SPAG16: variants seen among roughly 807,000 people sequenced by gnomAD.
SPAG16 encodes the protein sperm associated antigen 16.
A neutral mutation model predicts 80.4 loss-of-function variants in SPAG16; 86 were observed. The observed-to-expected ratio is 1.07, with a 90% confidence interval of 0.90 to 1.28. SPAG16 has a LOEUF of 1.28. Ranked by LOEUF, SPAG16 falls within the 50% of genes most tolerant of loss-of-function variation. The probability of loss-of-function intolerance (pLI) is 0.00; values close to 1 mark genes in which losing one functional copy is unlikely to be tolerated. For missense variants in SPAG16, 870 were observed against 765.3 expected (o/e 1.14, Z -1.61); for synonymous variants, 294 against 265.9 (o/e 1.11, Z -1.03).
chr2:213,731,668 GTGT>G (rs2067051832), intron 10 of SPAG16, among the ~76,000 whole-genome samples: 1 of 152,160 alleles, frequency 6.6e-6, no homozygotes, highest in South Asian at 2.1e-4. Flanking sequence ...CCCAGTGTGT[GTGT>G]TGTTCTCCAC....
At position 213,425,698 on chromosome 2, in the gene SPAG16, G is replaced by A. The variant is rs147340043; in HGVS notation, c.942+50579G>A. On this transcript the variant is annotated intron_variant, in intron 9 of 15. Transcript: ENST00000331683. Reference sequence around the variant, plus strand: ...TGTGCAAATTGTTGCAGGAAAAGTCGTGTATTTCCATTTCTACTATACTAT... The same window carrying A: ...TGTGCAAATTGTTGCAGGAAAAGTCATGTATTTCCATTTCTACTATACTAT... Among the ~76,000 whole-genome samples, 58 of 150,186 alleles carry A rather than the reference G, an allele frequency of 3.9e-4. 1 individual carries two copies. The East Asian group carries it at 6.2e-3, about 16-fold the overall frequency.
At chr2:214,351,131 C>T (rs934753070) in intron 15 of SPAG16, among the ~76,000 whole-genome samples, 5 of 151,928 alleles carry the variant, frequency 3.3e-5, no homozygotes, top group East Asian at 1.9e-4. Flanking sequence ...GTAATCCTTC[C>T]GTGACTAGAA....
intron 10 of SPAG16, among the ~76,000 whole-genome samples, chr2:213,848,846 A>G (rs1278003125): frequency 3.3e-5 from 5 of 152,114 alleles, no homozygotes; most frequent in African/African-American, 1.2e-4. Context: ...TGTTCACAAC[A>G]GTTTCTGCTT....
intron 12 of SPAG16, among the ~76,000 whole-genome samples, chr2:213,983,492 A>G (rs1046032160): frequency 6.6e-6 from 1 of 151,970 alleles, no homozygotes; most frequent in African/African-American, 2.4e-5. Context: ...TAACTGCTTA[A>G]TGCACTCAAA....
chr2:214,074,606 T>C (rs2050974536), intron 13 of SPAG16, among the ~76,000 whole-genome samples: 1 of 152,060 alleles, frequency 6.6e-6, no homozygotes, highest in African/African-American at 2.4e-5. Flanking sequence ...TTAACGCCAT[T>C]ATGAACTGAA....
chr2:213,790,189 G>A (rs2070603481), intron 10 of SPAG16, among the ~76,000 whole-genome samples: 1 of 151,840 alleles, frequency 6.6e-6, no homozygotes, highest in South Asian at 2.1e-4. Context: ...CATCACTGAT[G>A]ATTCATCACT....
chr2:213,399,978 A>G (rs1018222849), intron 9 of SPAG16, among the ~76,000 whole-genome samples: 11 of 151,980 alleles, frequency 7.2e-5, no homozygotes, highest in Non-Finnish European at 1.6e-4. Flanking sequence ...TGGATCCATA[A>G]TTATATTCTC....
At chr2:213,310,958 T>C (rs2063162834) in intron 4 of SPAG16, among the ~76,000 whole-genome samples, 1 of 151,836 alleles carries the variant, frequency 6.6e-6, no homozygotes, top group Admixed American at 6.6e-5. Context: ...TAATTTTAAA[T>C]AAATTTGCAA....
Position 213,665,300 on chromosome 2 carries a change from T to TA in SPAG16, c.1070+175211dup, listed in dbSNP as rs2063561468. 5.9e-5 allele frequency among the ~76,000 whole-genome samples: 9 copies of TA among 152,240 alleles called. 1 individual carries two copies. The South Asian group carries it at 1.9e-3, about 32-fold the overall frequency. ...CTGTACAAAAAGGTTATAATTAGCTTACCCAGGTACTTAATATAAGTTGTT... is the reference window on the plus strand; with the variant it reads ...CTGTACAAAAAGGTTATAATTAGCTTAACCCAGGTACTTAATATAAGTTGTT... On this transcript the variant is annotated intron_variant, in intron 10 of 15. Transcript: ENST00000331683.
chr2:214,202,446 C>T (rs896593622), intron 15 of SPAG16, among the ~76,000 whole-genome samples: 1 of 151,972 alleles, frequency 6.6e-6, no homozygotes, highest in Admixed American at 6.6e-5. Context: ...AATATGAAAA[C>T]CTTCAGTAAG....
At chr2:213,475,647 G>A (rs1383401353) in intron 9 of SPAG16, among the ~76,000 whole-genome samples, 1 of 152,180 alleles carries the variant, frequency 6.6e-6, no homozygotes, top group Non-Finnish European at 1.5e-5. Flanking sequence ...CTAGTTGGCA[G>A]GGATAGTCAT....
At chr2:213,974,228 C>G (rs1240601717) in intron 12 of SPAG16, among the ~76,000 whole-genome samples, 1 of 151,912 alleles carries the variant, frequency 6.6e-6, no homozygotes, top group African/African-American at 2.4e-5. Flanking sequence ...AGCTTTTAAG[C>G]AAAGAAATGC....
intron 11 of SPAG16, among the ~76,000 whole-genome samples, chr2:213,872,362 A>G (rs2075987054): frequency 6.6e-6 from 1 of 152,168 alleles, no homozygotes; most frequent in African/African-American, 2.4e-5. Context: ...GTTTGTGGTA[A>G]TTTGTCACAG....
At chr2:213,831,405 A>T (rs2073650190) in intron 10 of SPAG16, among the ~76,000 whole-genome samples, 2 of 106,660 alleles carry the variant, frequency 1.9e-5, no homozygotes, top group South Asian at 5.5e-4. Flanking sequence ...TCAATTCATA[A>T]TTCAGGTGTT....
chr2:213,906,498 C>A (rs1305371259), intron 11 of SPAG16, among the ~76,000 whole-genome samples: 1 of 152,016 alleles, frequency 6.6e-6, no homozygotes, highest in Non-Finnish European at 1.5e-5. Flanking sequence ...ACATTATTCA[C>A]AGAAATAGAA....
intron 10 of SPAG16, among the ~76,000 whole-genome samples, chr2:213,727,567 C>T (rs7571415): frequency 0.93 from 141,414 of 152,202 alleles, 66,607 homozygotes; most frequent in East Asian, 1. Context: ...GGTACAAAGG[C>T]GCTGACGTGG....
intron 15 of SPAG16, among the ~76,000 whole-genome samples, chr2:214,279,613 AC>A (rs1464694324): frequency 6.6e-6 from 1 of 152,098 alleles, no homozygotes; most frequent in Non-Finnish European, 1.5e-5. Flanking sequence ...TACAGAAGGA[AC>A]CCCAAATATT....
intron 9 of SPAG16, among the ~76,000 whole-genome samples, chr2:213,420,784 C>A (rs1437018239): frequency 6.6e-6 from 1 of 152,054 alleles, no homozygotes; most frequent in Non-Finnish European, 1.5e-5. Context: ...TTTTTAAATT[C>A]TTTTTAAAAA....
chr2:213,723,298 G>C (rs1462473387), intron 10 of SPAG16, among the ~76,000 whole-genome samples: 1 of 152,148 alleles, frequency 6.6e-6, no homozygotes, highest in Non-Finnish European at 1.5e-5. Flanking sequence ...TACTAATTTA[G>C]ATAATCATAC....
Sources: allele counts gnomAD v4.1 joint callset (sites outside exome capture counted in the v4.1 genomes callset), GRCh38; gene constraint gnomAD v4.1.1; transcripts MANE v1.5; gene names NCBI Gene and HGNC (gene_info 2026-07-23, HGNC 2026-07-21).